The following SNURF variants were observed in gnomAD, a reference collection of about 807,000 sequenced individuals.
SNURF encodes the protein SNURF protein.
In SNURF, 6 loss-of-function variants were observed where a neutral mutation model predicts 11.6. The observed-to-expected ratio is 0.52, with a 90% confidence interval of 0.28 to 1.02. The LOEUF is 1.02. Ranked by LOEUF, SNURF falls within the 50% of genes least tolerant of loss-of-function variation. SNURF has a pLI of 0.09. For missense variants in SNURF, 84 were observed against 88.4 expected (o/e 0.95, Z 0.20); for synonymous variants, 29 against 31.6 (o/e 0.92, Z 0.27).
downstream of SNURF, among the ~76,000 whole-genome samples, chr15:24,973,743 A>C (rs1200052644): frequency 6.6e-6 from 1 of 152,098 alleles, no homozygotes; most frequent in Non-Finnish European, 1.5e-5. Flanking sequence ...TTGATCTATG[A>C]AAGTTGTTTA....
downstream of SNURF, chr15:24,978,469 C>T (rs112904440): frequency 3.7e-4 from 601 of 1,607,738 alleles, 3 homozygotes; most frequent in African/African-American, 7.2e-3. Flanking sequence ...ATCTCAGTCA[C>T]TTTTTCCCCT....
intron 6 of SNURF, chr15:24,977,130 C>A: frequency 1.1e-6 from 1 of 934,616 alleles, no homozygotes; most frequent in Non-Finnish European, 1.5e-6. Flanking sequence ...ACAATGTAAA[C>A]AGCATATGGT....
Position 24,967,852 on chromosome 15 carries a change from G to T in SNURF, c.111-80G>T, listed in dbSNP as rs757206699. On this transcript the variant is annotated intron_variant, in intron 2 of 2. Coordinates refer to ENST00000577949, the Ensembl canonical transcript of SNURF. ...AAGGAATATCTTCTTAAATGTAAGG[G>T]TACCTAGTTTTCTTTCATATGGTTT... 4.2e-4 allele frequency: 457 copies of T among 1,093,628 alleles called. 4 individuals are homozygous for T. Among genetic ancestry groups the T allele is most frequent in the Non-Finnish European group, 6.0e-4 (429 of 715,676 alleles). 67.7% of individuals were successfully genotyped at this position (1,093,628 alleles called of 1,614,324 possible).
chr15:24,960,924 A>C (rs1218430895), intron 1 of SNURF, among the ~76,000 whole-genome samples: 1 of 152,170 alleles, frequency 6.6e-6, no homozygotes, highest in Non-Finnish European at 1.5e-5. Flanking sequence ...TCACCTGAAA[A>C]AGTTTCTTTG....
intron 2 of SNURF, 90 bp downstream of exon 2, chr15:24,962,299 A>G (rs745335026): frequency 6.3e-5 from 65 of 1,036,298 alleles, no homozygotes; most frequent in Non-Finnish European, 9.4e-5. Flanking sequence ...ATTAAAATGA[A>G]CATAATTGAA....
downstream of SNURF, chr15:24,978,364 TATGTG>T (rs2077306463): frequency 6.2e-7 from 1 of 1,614,042 alleles, no homozygotes; most frequent in East Asian, 2.2e-5. Flanking sequence ...GGCCCCTGAA[TATGTG>T]TATCCTCTTT....
rs140304787 is a variant in SNURF at position 24,964,045 on chromosome 15, A to T, written c.110+1836A>T. On this transcript the variant is annotated intron_variant, in intron 2 of 2. Coordinates refer to ENST00000577949, the Ensembl canonical transcript of SNURF. ...AGATCTAGTCTCAAAAAGAAAAAAAAAGTTGTAAAACATCTGTTAGCAAGT... is the reference window on the plus strand; with the variant it reads ...AGATCTAGTCTCAAAAAGAAAAAAATAGTTGTAAAACATCTGTTAGCAAGT... 2.2e-3 allele frequency among the ~76,000 whole-genome samples: 333 copies of T among 152,260 alleles called. 1 individual carries two copies. Among genetic ancestry groups the T allele is most frequent in the African/African-American group, 7.4e-3 (309 of 41,556 alleles).
At chr15:24,973,786 G>T (rs1164035180), downstream of SNURF, among the ~76,000 whole-genome samples, 1 of 152,178 alleles carries the variant, frequency 6.6e-6, no homozygotes, top group Non-Finnish European at 1.5e-5. Flanking sequence ...CCATAGTCAT[G>T]TGTTCTCTTT....
rs1356740591 is a variant in SNURF, at chr15:24,959,889, C to T, written c.15-2225C>T. The stretch of plus-strand genomic sequence containing the variant: ...GTTTCACAAGGTTTTACTTAGCCCT[C>T]GTATATGCCAGGTTCTTGAAATTTT... On this transcript the variant is annotated intron_variant, in intron 1 of 2. Coordinates refer to ENST00000577949, the Ensembl canonical transcript of SNURF. Among the ~76,000 whole-genome samples the T allele has an allele frequency of 2.6e-5, 4 of 152,138 alleles. No homozygotes were observed. In the South Asian group the frequency reaches 6.2e-4, roughly 24 times the overall value.
chr15:24,969,137 T>A (rs143010931), downstream of SNURF, among the ~76,000 whole-genome samples: 626 of 152,146 alleles, frequency 4.1e-3, no homozygotes, highest in African/African-American at 5.6e-3. Context: ...TTAATTAATT[T>A]ATTTATTTAG....
intron 2 of SNURF, among the ~76,000 whole-genome samples, chr15:24,966,177 C>T (rs564637256): frequency 6.6e-6 from 1 of 152,072 alleles, no homozygotes; most frequent in African/African-American, 2.4e-5. Context: ...CCCACACTTC[C>T]GACCAACAGT....
chr15:24,958,520 T>TTTTA lies in SNURF; in HGVS notation c.14+3458_14+3459insTTTA, dbSNP rs1440476628. Among the ~76,000 whole-genome samples the TTTTA allele has an allele frequency of 5.8e-4, 70 of 120,736 alleles. 1 individual carries two copies. The highest frequency in any genetic ancestry group is 2.3e-3 in the African/African-American group (68 of 29,266). The allele number at this position is 120,736 out of a possible 152,430, so 79.2% of individuals were successfully genotyped here. A position where few individuals can be genotyped will look rare whatever the true frequency, so the allele number is the denominator to read the frequency against. ...TTTTTTTTTTTTTTTTTTTTTTTTT[T>TTTTA]AAATAGACCAGGGTCTCCCTATGTT... On this transcript the variant is annotated intron_variant, in intron 1 of 2. Transcript: ENST00000577949.
downstream of SNURF, chr15:24,977,929 T>G (rs779814861): frequency 1.9e-6 from 3 of 1,547,036 alleles, no homozygotes; most frequent in South Asian, 1.2e-5. Flanking sequence ...AAGGGATTGG[T>G]GAACACGAAG....
In SNURF at chr15:24,958,386, C is replaced by CTT. The variant is rs75210247; in HGVS notation, c.14+3338_14+3339dup. ...TTAGACCTGTCACTGGTCCTGTCTC[C>CTT]TTTTTTTTTTTTTTTGTGGCCCAGG... On this transcript the variant is annotated intron_variant, in intron 1 of 2. Coordinates refer to ENST00000577949, the Ensembl canonical transcript of SNURF. Among the ~76,000 whole-genome samples, 76 of 124,210 alleles carry CTT rather than the reference C, an allele frequency of 6.1e-4. 1 individual carries two copies. The highest frequency in any genetic ancestry group is 1.9e-3 in the African/African-American group (66 of 35,102). 81.5% of individuals were successfully genotyped at this position (124,210 alleles called of 152,430 possible). A position where few individuals can be genotyped will look rare whatever the true frequency, so the allele number is the denominator to read the frequency against.
chr15:24,974,254 T>C, intron 3 of SNURF: 1 of 596,502 alleles, frequency 1.7e-6, no homozygotes. Context: ...CAAAATTGTC[T>C]GCCTGTTTTA....
Position 24,976,319 on chromosome 15 carries a change from A to G in SNURF, c.*212A>G. 6.2e-7 allele frequency: 1 copy of G among 1,613,748 alleles called. No individual in the cohort carries two copies. The highest frequency in any genetic ancestry group is 8.5e-7 in the Non-Finnish European group (1 of 1,179,902). ...CTGATTTGTAGGCCAAAGAATGCGA[A>G]GCAACCAGAGCGTGAAGAAAAGCGG... On this transcript the variant is annotated 3_prime_UTR_variant and NMD_transcript_variant, in exon 5 of 7. Transcript: ENST00000580062.
downstream of SNURF, chr15:24,978,184 T>A (rs1041610633): frequency 5.6e-6 from 9 of 1,610,754 alleles, no homozygotes; most frequent in African/African-American, 1.2e-4. Flanking sequence ...CTACCATTTT[T>A]CACTGTAGGC....
downstream of SNURF, among the ~76,000 whole-genome samples, chr15:24,969,923 G>A (rs1322693028): frequency 6.6e-6 from 1 of 152,146 alleles, no homozygotes; most frequent in Non-Finnish European, 1.5e-5. Context: ...GCTTTGAGTA[G>A]TTGTGACAGA....
chr15:24,975,437 T>C (rs1194723508), exon 4 of SNURF: 2 of 1,613,466 alleles, frequency 1.2e-6, no homozygotes, highest in East Asian at 2.2e-5. Flanking sequence ...CGAATCTTCA[T>C]TGGCACCTTT....
Sources: allele counts gnomAD v4.1 joint callset (sites outside exome capture counted in the v4.1 genomes callset), GRCh38; gene constraint gnomAD v4.1.1; transcripts MANE v1.5; gene names NCBI Gene and HGNC (gene_info 2026-07-23, HGNC 2026-07-21).